The following SEMA3E variants were observed in gnomAD, a reference collection of about 807,000 sequenced individuals.
The protein encoded by SEMA3E is semaphorin-3E.
A neutral mutation model predicts 93.6 loss-of-function variants in SEMA3E; 49 were observed. The ratio of observed to expected loss-of-function variants is 0.52; its 90% CI spans 0.42 to 0.66. The LOEUF (loss-of-function observed/expected upper bound fraction) is 0.66. Among genes scored for constraint, SEMA3E ranks in the 30% least tolerant of loss-of-function variants. The probability of loss-of-function intolerance (pLI) is 0.00; values close to 1 mark genes in which losing one functional copy is unlikely to be tolerated. For synonymous variants in SEMA3E, 363 were observed against 330.7 expected (o/e 1.10, Z -1.06); for missense variants, 906 against 964.8 (o/e 0.94, Z 0.81).
chr7:83,519,519 A>C (rs1791002253), intron 1 of SEMA3E, among the ~76,000 whole-genome samples: 1 of 152,146 alleles, frequency 6.6e-6, no homozygotes. Flanking sequence ...TGTTTATCAT[A>C]TCTCTGTGTC....
At chr7:83,491,529 T>C (rs1022652478) in intron 1 of SEMA3E, among the ~76,000 whole-genome samples, 5 of 151,996 alleles carry the variant, frequency 3.3e-5, no homozygotes, top group African/African-American at 9.7e-5. Flanking sequence ...GGTAAAACTT[T>C]CTCTTATTGA....
At chr7:83,576,671 G>A (rs1792406953) in intron 1 of SEMA3E, among the ~76,000 whole-genome samples, 1 of 152,038 alleles carries the variant, frequency 6.6e-6, no homozygotes, top group African/African-American at 2.4e-5. Context: ...TGTTGTCCAG[G>A]CTGGAGTGCA....
At chr7:83,636,454 A>G (rs1030409170) in intron 1 of SEMA3E, among the ~76,000 whole-genome samples, 1 of 152,206 alleles carries the variant, frequency 6.6e-6, no homozygotes. Context: ...ATATGTATCT[A>G]TATAGATAGA....
At chr7:83,470,861 T>C (rs1789876340) in intron 2 of SEMA3E, among the ~76,000 whole-genome samples, 6 of 72,278 alleles carry the variant, frequency 8.3e-5, no homozygotes, top group African/African-American at 1.2e-4. Flanking sequence ...CCCCACATTT[T>C]CTTTTTTTTT....
chr7:83,453,119 C>T (rs1464345534), intron 4 of SEMA3E, among the ~76,000 whole-genome samples: 1 of 152,070 alleles, frequency 6.6e-6, no homozygotes, highest in Non-Finnish European at 1.5e-5. Flanking sequence ...CCTCTGCCTC[C>T]CAGGTTCAAG....
chr7:83,595,791 T>G (rs1792861035), intron 1 of SEMA3E, among the ~76,000 whole-genome samples: 1 of 151,934 alleles, frequency 6.6e-6, no homozygotes, highest in Non-Finnish European at 1.5e-5. Flanking sequence ...GGTAGGAAGT[T>G]TATGATTTGA....
In SEMA3E at chr7:83,414,746, C is replaced by G. The variant is rs570479758; in HGVS notation, c.550+3644G>C. 5.9e-5 allele frequency among the ~76,000 whole-genome samples: 9 copies of G among 152,104 alleles called. No homozygotes were observed. The South Asian group carries it at 1.9e-3, about 32-fold the overall frequency. ...ACTCCAACAACAAAGTTAATCCTTT[C>G]AAAGCAAAGTTTCAAAAGGTACATG... On this transcript the variant is annotated intron_variant, in intron 5 of 16. Transcript: ENST00000643230.
At position 83,366,671 on chromosome 7, in the gene SEMA3E, A is replaced by G. The variant is rs900833994; in HGVS notation, c.*915T>C. On this transcript the variant is annotated 3_prime_UTR_variant, in exon 17 of 17. Transcript: ENST00000643230. ...ATATTAAAGTATGATACAAGGATTA[A>G]CATGTTTTTTATTTCAGTTATTTGT... 6.6e-6 allele frequency: 1 copy of G among 152,144 alleles called. No individual in the cohort carries two copies. The highest frequency in any genetic ancestry group is 1.5e-5 in the Non-Finnish European group (1 of 67,970). The allele number at this position is 152,144 out of a possible 1,614,324, so 9.4% of individuals were successfully genotyped here. A position where few individuals can be genotyped will look rare whatever the true frequency, so the allele number is the denominator to read the frequency against.
intron 2 of SEMA3E, among the ~76,000 whole-genome samples, chr7:83,480,924 T>C (rs1790131655): frequency 1.3e-5 from 2 of 152,198 alleles, no homozygotes; most frequent in African/African-American, 4.8e-5. Flanking sequence ...GGAAGAAACA[T>C]ATACATTTAT....
chr7:83,505,202 C>T (rs1419893420), intron 1 of SEMA3E, among the ~76,000 whole-genome samples: 3 of 151,946 alleles, frequency 2.0e-5, no homozygotes, highest in Admixed American at 6.6e-5. Context: ...GTATTTCAGC[C>T]TTTTTTCATA....
rs1030277303 is a variant in SEMA3E at position 83,507,935 on chromosome 7, G to A, written c.116-17661C>T. Among the ~76,000 whole-genome samples the A allele has an allele frequency of 6.6e-5, 10 of 152,068 alleles. 1 individual carries two copies. The highest frequency in any genetic ancestry group is 1.3e-4 in the Admixed American group (2 of 15,272). The stretch of plus-strand genomic sequence containing the variant: ...ACTGCACTCCAGCCTGGGTGACAAA[G>A]CAAAACCCTGTCTCACAAAAAACAA... On this transcript the variant is annotated intron_variant, in intron 1 of 16. Transcript: ENST00000643230.
intron 1 of SEMA3E, among the ~76,000 whole-genome samples, chr7:83,569,736 A>C (rs1381982435): frequency 1.3e-5 from 2 of 152,198 alleles, no homozygotes; most frequent in Non-Finnish European, 2.9e-5. Flanking sequence ...TTCATAAAAC[A>C]AGTTCTCCTT....
At chr7:83,432,363 A>T (rs1463987067) in intron 4 of SEMA3E, among the ~76,000 whole-genome samples, 1 of 152,174 alleles carries the variant, frequency 6.6e-6, no homozygotes, top group African/African-American at 2.4e-5. Flanking sequence ...AATTACTAAT[A>T]AGTCAAATGA....
chr7:83,549,635 G>A (rs2041427), intron 1 of SEMA3E, among the ~76,000 whole-genome samples: 36,242 of 151,742 alleles, frequency 0.24, 4,329 homozygotes, highest in Middle Eastern at 0.29. Flanking sequence ...ATATCCATAG[G>A]ACATTTTCAC....
chr7:83,610,621 A>G (rs1793232285), intron 1 of SEMA3E, among the ~76,000 whole-genome samples: 1 of 152,086 alleles, frequency 6.6e-6, no homozygotes, highest in Non-Finnish European at 1.5e-5. Flanking sequence ...TAATATTAAT[A>G]TAAAACCCAT....
At chr7:83,626,135 A>G (rs1191364355) in intron 1 of SEMA3E, among the ~76,000 whole-genome samples, 1 of 152,164 alleles carries the variant, frequency 6.6e-6, no homozygotes, top group East Asian at 1.9e-4. Context: ...TTTCACATCA[A>G]TGTTCATCAG....
chr7:83,508,774 T>C (rs1321728913), intron 1 of SEMA3E, among the ~76,000 whole-genome samples: 1 of 152,140 alleles, frequency 6.6e-6, no homozygotes, highest in Non-Finnish European at 1.5e-5. Flanking sequence ...TCTTAGTAAA[T>C]AAAGATAAAT....
At chr7:83,523,898 C>T (rs1791101272) in intron 1 of SEMA3E, among the ~76,000 whole-genome samples, 1 of 152,000 alleles carries the variant, frequency 6.6e-6, no homozygotes, top group African/African-American at 2.4e-5. Flanking sequence ...CATAGAAAGC[C>T]TGGTAACAGA....
chr7:83,374,200 G>A (rs1466550639), intron 16 of SEMA3E, among the ~76,000 whole-genome samples: 2 of 71,974 alleles, frequency 2.8e-5, no homozygotes, highest in Non-Finnish European at 5.5e-5. Context: ...GACCAAAACT[G>A]CGTCTCAAAA....
Sources: gnomAD v4.1 joint callset for allele counts (sites outside exome capture counted in the v4.1 genomes callset) on GRCh38, gnomAD v4.1.1 for gene constraint, MANE v1.5 for transcripts, NCBI Gene and HGNC (gene_info 2026-07-23, HGNC 2026-07-21) for gene names.